Variants in CACNA1C observed in about 807,000 individuals in gnomAD.
CACNA1C encodes the protein calcium voltage-gated channel subunit alpha1 C.
Under a neutral mutation model 229.0 loss-of-function variants are expected in CACNA1C, and 30 were observed. The ratio of observed to expected loss-of-function variants is 0.13; its 90% CI spans 0.10 to 0.18. The LOEUF is 0.18. CACNA1C is among the 10% of genes least tolerant of loss of function. CACNA1C has a pLI of 1.00. For synonymous variants in CACNA1C, 1,114 were observed against 1,132.5 expected (o/e 0.98, Z 0.33); for missense variants, 1,658 against 2,845.0 (o/e 0.58, Z 9.49).
chr12:2,363,438 A>G (rs985845850), intron 3 of CACNA1C, among the ~76,000 whole-genome samples: 3 of 152,114 alleles, frequency 2.0e-5, no homozygotes, highest in African/African-American at 4.8e-5. Context: ...TAAGTTACCA[A>G]CCCGTACTCA....
intron 3 of CACNA1C, among the ~76,000 whole-genome samples, chr12:2,192,991 C>T (rs2097288134): frequency 6.6e-6 from 1 of 152,242 alleles, no homozygotes; most frequent in South Asian, 2.1e-4. Context: ...GAGCAGATTT[C>T]CCCACCTCGG....
intron 1 of CACNA1C, among the ~76,000 whole-genome samples, chr12:2,076,726 A>G (rs1480870389): frequency 2.0e-5 from 3 of 152,144 alleles, no homozygotes; most frequent in Non-Finnish European, 4.4e-5. Flanking sequence ...TATCGGAACC[A>G]TTGCTGTTTT....
chr12:2,091,870 C>T (rs1286669477), intron 1 of CACNA1C, among the ~76,000 whole-genome samples: 2 of 152,164 alleles, frequency 1.3e-5, no homozygotes, highest in Admixed American at 1.3e-4. Context: ...GATCTGAAGG[C>T]TTGGGCTTGA....
intron 29 of CACNA1C, among the ~76,000 whole-genome samples, chr12:2,625,785 A>AC (rs2086111585): frequency 6.6e-6 from 1 of 152,048 alleles, no homozygotes; most frequent in African/African-American, 2.4e-5. Flanking sequence ...TCTAAAAAAA[A>AC]AAAAAAAAAA....
rs539821354 is a variant in CACNA1C, at chr12:2,386,126, TCTC to T, written c.478-62845_478-62843del. Among the ~76,000 whole-genome samples, 36 of 152,302 alleles carry T rather than the reference TCTC, an allele frequency of 2.4e-4. 1 individual carries two copies. In the South Asian group the frequency reaches 6.6e-3, roughly 28 times the overall value. The stretch of plus-strand genomic sequence containing the variant: ...CTATATAATGGTGTGCTACTACACA[TCTC>T]CTCCCAACTCTGCAGTCAGTGACAT... On this transcript the variant is annotated intron_variant, in intron 3 of 46. Transcript: ENST00000399655.
rs1331945694 is a variant in CACNA1C, at chr12:2,694,617, C to T, written c.*3418C>T. The T allele has an allele frequency of 1.3e-5, 2 of 152,238 alleles. No homozygotes were observed. The highest frequency in any genetic ancestry group is 2.9e-5 in the Non-Finnish European group (2 of 68,054). 9.4% of individuals were successfully genotyped at this position (152,238 alleles called of 1,614,324 possible). A position where few individuals can be genotyped will look rare whatever the true frequency, so the allele number is the denominator to read the frequency against. On this transcript the variant is annotated 3_prime_UTR_variant, in exon 47 of 47. Transcript: ENST00000399655. ...AGGCAATGTCTCTCATTCTATTTCC[C>T]AGTTCCAAATTCCAGGTGCTTGTCT...
In CACNA1C at chr12:2,627,862, C is replaced by T. The variant is rs565474158; in HGVS notation, c.3829-6435C>T. ...TGCAGCCCCTCCAGCCAGCACGCTC[C>T]GTGACCCATGTGTCCTAGGAGGGGA... On this transcript the variant is annotated intron_variant, in intron 29 of 46. Transcript: ENST00000399655. 3.3e-5 allele frequency among the ~76,000 whole-genome samples: 5 copies of T among 152,298 alleles called. No homozygotes were observed. The South Asian group carries it at 6.2e-4, about 19-fold the overall frequency.
At position 2,415,177 on chromosome 12, in the gene CACNA1C, C is replaced by T. The variant is rs993543341; in HGVS notation, c.478-33799C>T. ...TTTCTGTCTTGCTCTTGTATGTTTT[C>T]TCTTCCTATTTGCCTTTTTATTCTC... On this transcript the variant is annotated intron_variant, in intron 3 of 46. Transcript: ENST00000399655. Among the ~76,000 whole-genome samples, 9 of 152,340 alleles carry T rather than the reference C, an allele frequency of 5.9e-5. No individual in the cohort carries two copies. In the East Asian group the frequency reaches 1.2e-3, roughly 20 times the overall value.
chr12:2,022,861 G>T (rs1354453692), intron 1 of CACNA1C, among the ~76,000 whole-genome samples: 1 of 152,014 alleles, frequency 6.6e-6, no homozygotes, highest in African/African-American at 2.4e-5. Context: ...CCTATCAGTG[G>T]CATTAAGTGA....
intron 3 of CACNA1C, among the ~76,000 whole-genome samples, chr12:2,242,128 G>C (rs528392669): frequency 1.3e-5 from 2 of 152,018 alleles, no homozygotes; most frequent in Non-Finnish European, 2.9e-5. Context: ...CCACCTCCAC[G>C]CTCAGTTTTC....
intron 39 of CACNA1C, chr12:2,676,815 A>G (rs1042763504): frequency 8.8e-5 from 21 of 239,124 alleles, no homozygotes; most frequent in Non-Finnish European, 1.6e-4. Context: ...GATGATTTAC[A>G]TAACTAATTT....
At chr12:2,252,733 C>G (rs1220974829) in intron 3 of CACNA1C, among the ~76,000 whole-genome samples, 5 of 152,192 alleles carry the variant, frequency 3.3e-5, no homozygotes, top group African/African-American at 9.7e-5. Flanking sequence ...CTGTTACAGA[C>G]CTGTTAGGTC....
chr12:2,096,671 A>G (rs1432545861), intron 1 of CACNA1C, among the ~76,000 whole-genome samples: 3 of 152,220 alleles, frequency 2.0e-5, no homozygotes, highest in African/African-American at 7.2e-5. Flanking sequence ...TTGTATAACC[A>G]TCAAGCACTA....
chr12:2,152,880 G>A lies in CACNA1C; in HGVS notation c.477+32450G>A, dbSNP rs1183738337. On this transcript the variant is annotated intron_variant, in intron 3 of 46. Transcript: ENST00000399655. This position sits in a 1 kb window ranked among gnomAD's most constrained non-coding sequence, Gnocchi z 4.2. ...GATTGGTAGGTCCCACTGGTCCCGA[G>A]TGTCCTACGGCCCTTTATATTGGAT... Among the ~76,000 whole-genome samples the A allele has an allele frequency of 6.6e-6, 1 of 152,138 alleles. No individual in the cohort carries two copies. Among genetic ancestry groups the A allele is most frequent in the Admixed American group, 6.5e-5 (1 of 15,282 alleles).
rs925081547 is a variant in CACNA1C, at chr12:2,265,549, A to G, written c.477+145119A>G. On this transcript the variant is annotated intron_variant, in intron 3 of 46. Transcript: ENST00000399655. ...CCACACCCCTGTCCCTTCATTACAG[A>G]TAGTCCAACCTCTTTGTTCTGTGGT... is the stretch of plus-strand genomic sequence containing the variant. 2.0e-5 allele frequency among the ~76,000 whole-genome samples: 3 copies of G among 152,166 alleles called. 1 individual carries two copies. Among genetic ancestry groups the G allele is most frequent in the Admixed American group, 2.0e-4 (3 of 15,278 alleles).
intron 3 of CACNA1C, among the ~76,000 whole-genome samples, chr12:2,209,158 C>T (rs762176552): frequency 3.9e-5 from 6 of 152,158 alleles, no homozygotes; most frequent in Non-Finnish European, 7.4e-5. Flanking sequence ...TAAGACGCAG[C>T]GAGTCACACA....
chr12:2,461,559 T>C (rs915934030), intron 5 of CACNA1C, among the ~76,000 whole-genome samples: 2 of 152,034 alleles, frequency 1.3e-5, no homozygotes, highest in Non-Finnish European at 2.9e-5. Flanking sequence ...TTTCCAAACC[T>C]CAGACTTGTA....
intron 1 of CACNA1C, among the ~76,000 whole-genome samples, chr12:1,999,639 T>C (rs546072950): frequency 7.2e-4 from 110 of 152,200 alleles, no homozygotes; most frequent in Non-Finnish European, 1.3e-3. Flanking sequence ...GGAGGGAGGA[T>C]TGCTTCAGCC....
At chr12:2,286,402 G>T (rs1215971237) in intron 3 of CACNA1C, among the ~76,000 whole-genome samples, 1 of 152,226 alleles carries the variant, frequency 6.6e-6, no homozygotes, top group Non-Finnish European at 1.5e-5. Flanking sequence ...GAGCGAGCGG[G>T]TGAAAATATG....
Sources: gnomAD v4.1 joint callset for allele counts (sites outside exome capture counted in the v4.1 genomes callset) on GRCh38, gnomAD v4.1.1 for gene constraint, Gnocchi (gnomAD v3.1) non-coding constraint, MANE v1.5 for transcripts, NCBI Gene and HGNC (gene_info 2026-07-23, HGNC 2026-07-21) for gene names.